The following FBXO31 variants were observed in gnomAD, a reference collection of about 807,000 sequenced individuals.
FBXO31 encodes the protein F-box only protein 31.
In FBXO31, 24 loss-of-function variants were observed where a neutral mutation model predicts 54.4. That is an observed-to-expected ratio of 0.44 (90% confidence interval 0.32 to 0.62). The LOEUF (loss-of-function observed/expected upper bound fraction) is 0.62, where lower values mean the gene tolerates loss of function less well. Ranked by LOEUF, FBXO31 falls within the 20% of genes least tolerant of loss-of-function variation. FBXO31 has a pLI of 0.05. For missense variants in FBXO31, 665 were observed against 787.1 expected (o/e 0.84, Z 1.86); for synonymous variants, 388 against 335.6 (o/e 1.16, Z -1.71).
In FBXO31 at chr16:87,335,636, C is replaced by G. The variant is rs1205580358; in HGVS notation, c.843-179G>C. Among the ~76,000 whole-genome samples, 1 of 152,160 alleles carries G rather than the reference C, an allele frequency of 6.6e-6. No homozygotes were observed. Among genetic ancestry groups the G allele is most frequent in the Non-Finnish European group, 1.5e-5 (1 of 68,022 alleles). Reference sequence around the variant, plus strand: ...GCGCCCAGGGGAGCCCTCACCCCCACCACCCACCAGCACGCACGCTTCCAA... The same window carrying G: ...GCGCCCAGGGGAGCCCTCACCCCCAGCACCCACCAGCACGCACGCTTCCAA... On this transcript the variant is annotated intron_variant, in intron 6 of 8. Transcript: ENST00000311635. The surrounding 1 kb of genome is among the most constrained non-coding windows in gnomAD (Gnocchi z 5.7).
upstream of FBXO31, among the ~76,000 whole-genome samples, chr16:87,387,693 G>C (rs1907371592): frequency 6.6e-6 from 1 of 152,190 alleles, no homozygotes. Flanking sequence ...TATAGTCCCA[G>C]CTACTCAGGA....
chr16:87,331,637 G>A, intron 8 of FBXO31, 127 bp from the exon 9 acceptor site: 1 of 791,620 alleles, frequency 1.3e-6, no homozygotes, highest in Middle Eastern at 3.3e-4. Context: ...GCCAGAAGCT[G>A]ACTCCCAGAG....
chr16:87,363,920 G>A lies in FBXO31; in HGVS notation c.341-3554C>T, dbSNP rs1294071124. ...CCCTTCCGAGCTCTCAACATCCTAC[G>A]ATTCTAGTTGGAGATAAAAGAATAT... is the stretch of plus-strand genomic sequence containing the variant. On this transcript the variant is annotated intron_variant, in intron 1 of 8. Transcript: ENST00000311635. Among the ~76,000 whole-genome samples, 5 of 152,254 alleles carry A rather than the reference G, an allele frequency of 3.3e-5. No homozygotes were observed. In the Middle Eastern group the frequency reaches 0.01, roughly 311 times the overall value.
chr16:87,367,869 G>C (rs1597375094), intron 1 of FBXO31: 1 of 152,238 alleles, frequency 6.6e-6, no homozygotes, highest in Non-Finnish European at 1.5e-5. Flanking sequence ...TCCTGAGGCA[G>C]TTTATCTTTG....
At chr16:87,357,692 C>T (rs1211500023) in intron 2 of FBXO31, among the ~76,000 whole-genome samples, 3 of 152,070 alleles carry the variant, frequency 2.0e-5, no homozygotes. Context: ...TGCCTGTAAT[C>T]CCAGAACTCT....
At chr16:87,354,302 G>C (rs1368782012) in intron 2 of FBXO31, among the ~76,000 whole-genome samples, 1 of 151,996 alleles carries the variant, frequency 6.6e-6, no homozygotes, top group Non-Finnish European at 1.5e-5. Flanking sequence ...GGGAGCCCTT[G>C]TCTCTACAAA....
Position 87,343,701 on chromosome 16 carries a change from G to A in FBXO31, c.554C>T (p.Pro185Leu). ...LPPHDPHVDD[P>L]MRFKPLFRIH... is the part of the protein sequence containing the mutation. ...CCTGAACAGAGGCTTGAATCTCATA[G>A]GGTCATCGACGTGGGGGTCATGGGG... Residue 185 changes from proline to leucine, a missense_variant, in exon 4 of 9, where the codon CCT (proline) becomes CTT (leucine). Pro to Leu is a moderately conservative substitution (Grantham distance 98). This residue lies in a region of FBXO31 where 234 missense variants were observed against 346.8 expected (regional missense o/e 0.67). Coordinates refer to ENST00000311635, the MANE Select transcript of FBXO31 (RefSeq NM_024735.5). 1 of 1,614,268 alleles carries A rather than the reference G, an allele frequency of 6.2e-7. No homozygotes were observed. Among genetic ancestry groups the A allele is most frequent in the Non-Finnish European group, 8.5e-7 (1 of 1,180,044 alleles).
At chr16:87,368,640 T>C (rs552455498) in intron 1 of FBXO31, among the ~76,000 whole-genome samples, 203 of 151,506 alleles carry the variant, frequency 1.3e-3, no homozygotes, top group African/African-American at 4.6e-3. Context: ...TTTTTTTTTT[T>C]TGCCTTTATA....
intron 1 of FBXO31, among the ~76,000 whole-genome samples, chr16:87,380,171 G>A (rs557611955): frequency 5.0e-4 from 76 of 150,524 alleles, no homozygotes; most frequent in African/African-American, 1.7e-3. Flanking sequence ...AGTGGCGGGC[G>A]CCTGTAGTCC....
At chr16:87,349,984 C>A (rs1443304879) in intron 2 of FBXO31, among the ~76,000 whole-genome samples, 1 of 152,050 alleles carries the variant, frequency 6.6e-6, no homozygotes, top group African/African-American at 2.4e-5. Context: ...AAAAAGGAAA[C>A]CTAAAGCTCA....
In FBXO31 at chr16:87,335,200, A is replaced by G; in HGVS notation, c.996+104T>C. 1.3e-6 allele frequency: 2 copies of G among 1,532,160 alleles called. No individual in the cohort carries two copies. The highest frequency in any genetic ancestry group is 1.8e-6 in the Non-Finnish European group (2 of 1,122,800). 94.9% of individuals were successfully genotyped at this position (1,532,160 alleles called of 1,614,324 possible). On this transcript the variant is annotated intron_variant, in intron 7 of 8. Coordinates refer to ENST00000311635, the MANE Select transcript of FBXO31 (RefSeq NM_024735.5). The surrounding 1 kb of genome is among the most constrained non-coding windows in gnomAD (Gnocchi z 5.7). ...CTGCAGGTGCAAGCCCACTCTGAGG[A>G]GCAAGGGTGCCGGGGATCAGTGTCT...
At chr16:87,378,221 CAAAG>C (rs1201142261) in intron 1 of FBXO31, among the ~76,000 whole-genome samples, 2 of 149,932 alleles carry the variant, frequency 1.3e-5, no homozygotes, top group African/African-American at 4.9e-5. Context: ...ATCCACAAAT[CAAAG>C]AAAGGAAAAA....
intron 2 of FBXO31, among the ~76,000 whole-genome samples, chr16:87,354,981 A>G (rs539324896): frequency 6.6e-6 from 1 of 152,258 alleles, no homozygotes; most frequent in East Asian, 1.9e-4. Context: ...AAAAATAAAA[A>G]TAAAAGAAAC....
At chr16:87,383,832 G>A, upstream of FBXO31, 1 of 976,400 alleles carries the variant, frequency 1.0e-6, no homozygotes, top group Non-Finnish European at 1.3e-6. The surrounding 1 kb of genome is among the most constrained non-coding windows in gnomAD (Gnocchi z 4.9). Context: ...CCCCGCCGCA[G>A]AGCTCGCCAC....
intron 1 of FBXO31, among the ~76,000 whole-genome samples, chr16:87,360,912 C>G (rs1906104242): frequency 6.6e-6 from 1 of 152,204 alleles, no homozygotes. Flanking sequence ...GTGCAGGGCC[C>G]TGGACACCTC....
chr16:87,351,970 A>T (rs1461226335), intron 2 of FBXO31, among the ~76,000 whole-genome samples: 1 of 152,184 alleles, frequency 6.6e-6, no homozygotes, highest in Non-Finnish European at 1.5e-5. Flanking sequence ...ATCACTAGGG[A>T]CACGAGAAAA....
chr16:87,382,634 T>G (rs1026151470), intron 1 of FBXO31, among the ~76,000 whole-genome samples: 1 of 152,142 alleles, frequency 6.6e-6, no homozygotes, highest in Non-Finnish European at 1.5e-5. Flanking sequence ...CGTAATTTTT[T>G]TTGTTGCTGT....
At position 87,330,785 on chromosome 16, in the gene FBXO31, C is replaced by G. The variant is rs1904823253; in HGVS notation, c.*503G>C. ...AGCTTGCTCTGCGTACTGTGCCCAT[C>G]ACACCTGCGCTGCCTGAGCTGTTCG... is the stretch of plus-strand genomic sequence containing the variant. On this transcript the variant is annotated 3_prime_UTR_variant, in exon 9 of 9. Coordinates refer to ENST00000311635, the MANE Select transcript of FBXO31 (RefSeq NM_024735.5). 6.1e-6 allele frequency: 1 copy of G among 163,576 alleles called. No individual in the cohort carries two copies. The highest frequency in any genetic ancestry group is 6.1e-5 in the Admixed American group (1 of 16,406). 10.1% of individuals were successfully genotyped at this position (163,576 alleles called of 1,614,324 possible). A position where few individuals can be genotyped will look rare whatever the true frequency, so the allele number is the denominator to read the frequency against.
chr16:87,331,601 G>A lies in FBXO31; in HGVS notation c.1398-91C>T, dbSNP rs371533103. On this transcript the variant is annotated intron_variant, in intron 8 of 8. Transcript: ENST00000311635. The stretch of plus-strand genomic sequence containing the variant: ...GCATTCTGCGACCCCGCTCTGTGCC[G>A]CAAGAGCCACATCCACTGTTCATCA... 8.2e-5 allele frequency: 88 copies of A among 1,071,174 alleles called. 1 individual carries two copies. The highest frequency in any genetic ancestry group is 5.3e-4 in the African/African-American group (34 of 63,648). The allele number at this position is 1,071,174 out of a possible 1,614,324, so 66.4% of individuals were successfully genotyped here.
Sources: allele counts gnomAD v4.1 joint callset (sites outside exome capture counted in the v4.1 genomes callset), GRCh38; gene constraint gnomAD v4.1.1; regional missense constraint gnomAD v4.1.1; non-coding constraint Gnocchi (gnomAD v3.1); transcripts MANE v1.5; gene names NCBI Gene and HGNC (gene_info 2026-07-23, HGNC 2026-07-21).